Variants in TTC23 observed in about 807,000 individuals in gnomAD.
TTC23 encodes tetratricopeptide repeat protein 23.
TTC23 carries 58 observed loss-of-function variants against 55.1 expected under a neutral mutation model. That is an observed-to-expected ratio of 1.05 (90% confidence interval 0.85 to 1.31). The LOEUF (loss-of-function observed/expected upper bound fraction) is 1.31, where lower values mean the gene tolerates loss of function less well. Ranked by LOEUF, TTC23 falls within the 50% of genes most tolerant of loss-of-function variation. The pLI, the probability that TTC23 is intolerant of heterozygous loss-of-function variation, is 0.00. For synonymous variants in TTC23, 203 were observed against 199.9 expected (o/e 1.02, Z -0.13); for missense variants, 516 against 534.4 (o/e 0.97, Z 0.34).
At chr15:99,148,359 C>CAAAAAAAA (rs1567326659) in intron 12 of TTC23, among the ~76,000 whole-genome samples, 2 of 1,040 alleles carry the variant, frequency 1.9e-3, no homozygotes, top group Non-Finnish European at 5.6e-3. Context: ...AGACTCTGTA[C>CAAAAAAAA]CAAAAAAAAA....
intron 9 of TTC23, among the ~76,000 whole-genome samples, chr15:99,195,506 A>G (rs2075620131): frequency 6.6e-6 from 1 of 152,208 alleles, no homozygotes; most frequent in Non-Finnish European, 1.5e-5. Context: ...GGGAATGTAA[A>G]TGGTATAGCC....
intron 10 of TTC23, among the ~76,000 whole-genome samples, chr15:99,168,833 G>T (rs1295509079): frequency 6.6e-6 from 1 of 152,130 alleles, no homozygotes; most frequent in Non-Finnish European, 1.5e-5. Flanking sequence ...CTCTCCTTTA[G>T]GGCTGCTCAG....
chr15:99,153,062 G>A (rs1189369555), intron 12 of TTC23, among the ~76,000 whole-genome samples: 3 of 152,216 alleles, frequency 2.0e-5, no homozygotes, highest in Admixed American at 1.3e-4. Context: ...GCCTCCCAAA[G>A]TTCTAGGATT....
chr15:99,224,535 T>C (rs1332706588), intron 5 of TTC23, among the ~76,000 whole-genome samples: 1 of 152,244 alleles, frequency 6.6e-6, no homozygotes, highest in Non-Finnish European at 1.5e-5. Flanking sequence ...CTCAATCCAC[T>C]CTTTATTGGG....
At position 99,174,924 on chromosome 15, in the gene TTC23, T is replaced by A. The variant is rs1427579578; in HGVS notation, c.865+126A>T. On this transcript the variant is annotated intron_variant, in intron 10 of 13. Transcript: ENST00000394132. ...AGTAGCATAGGGGCAGATGATCAGA[T>A]AAAACAAGGAAGGCTCTGTGGCGGG... 1.1e-5 allele frequency: 8 copies of A among 702,618 alleles called. No individual in the cohort carries two copies. The Admixed American group carries it at 1.9e-4, about 17-fold the overall frequency. 43.5% of individuals were successfully genotyped at this position (702,618 alleles called of 1,614,324 possible). A position where few individuals can be genotyped will look rare whatever the true frequency, so the allele number is the denominator to read the frequency against.
intron 5 of TTC23, among the ~76,000 whole-genome samples, chr15:99,222,916 G>C (rs1410612835): frequency 6.6e-6 from 1 of 152,190 alleles, no homozygotes; most frequent in Non-Finnish European, 1.5e-5. Flanking sequence ...AGAATGGTGT[G>C]AACCCGGGAG....
At chr15:99,195,751 G>C (rs2075641123) in intron 9 of TTC23, among the ~76,000 whole-genome samples, 1 of 151,916 alleles carries the variant, frequency 6.6e-6, no homozygotes, top group South Asian at 2.1e-4. Flanking sequence ...ATGTGTCAAT[G>C]TAGGCTCATC....
At position 99,218,546 on chromosome 15, in the gene TTC23, C is replaced by A. The variant is rs372195443; in HGVS notation, c.581+42G>T. ...GAGACAGATTCTACAGGCAAAGAGC[C>A]TCCCGCCATCATGTATGCAAAATCC... On this transcript the variant is annotated intron_variant, in intron 8 of 13. Coordinates refer to ENST00000394132, the MANE Select transcript of TTC23 (RefSeq NM_001288615.3). 26 of 1,612,732 alleles carry A rather than the reference C, an allele frequency of 1.6e-5. No individual in the cohort carries two copies. The African/African-American group carries it at 3.2e-4, about 20-fold the overall frequency.
At position 99,137,892 on chromosome 15, in the gene TTC23, T is replaced by C; in HGVS notation, c.*118A>G. ...CACTGTTGCATGTTGGGGCCAACAG[T>C]TGGCCTTGGAAATCTGTATCCTGAC... On this transcript the variant is annotated 3_prime_UTR_variant, in exon 14 of 14. Coordinates refer to ENST00000394132, the MANE Select transcript of TTC23 (RefSeq NM_001288615.3). 2 of 1,507,008 alleles carry C rather than the reference T, an allele frequency of 1.3e-6. No homozygotes were observed. The highest frequency in any genetic ancestry group is 2.6e-5 in the South Asian group (2 of 77,466). The allele number at this position is 1,507,008 out of a possible 1,614,324, so 93.4% of individuals were successfully genotyped here. A position where few individuals can be genotyped will look rare whatever the true frequency, so the allele number is the denominator to read the frequency against.
intron 9 of TTC23, among the ~76,000 whole-genome samples, chr15:99,184,514 T>G (rs1281781211): frequency 6.6e-6 from 1 of 152,228 alleles, no homozygotes; most frequent in Non-Finnish European, 1.5e-5. Flanking sequence ...AATTACTACC[T>G]TATTGGATTT....
At chr15:99,250,075 G>C (rs374191902), upstream of TTC23, among the ~76,000 whole-genome samples, 1 of 151,192 alleles carries the variant, frequency 6.6e-6, no homozygotes, top group Non-Finnish European at 1.5e-5. Context: ...TTTCTTTTTT[G>C]GGGGGTGTAA....
intron 10 of TTC23, among the ~76,000 whole-genome samples, chr15:99,167,050 G>A (rs936412392): frequency 2.0e-5 from 3 of 151,954 alleles, no homozygotes; most frequent in Admixed American, 6.5e-5. Flanking sequence ...AAATCCACAT[G>A]AGCAGCCTTT....
At position 99,221,945 on chromosome 15, in the gene TTC23, T is replaced by C. The variant is rs1016848434; in HGVS notation, c.181-81A>G. 214 of 1,509,870 alleles carry C rather than the reference T, an allele frequency of 1.4e-4. No homozygotes were observed. The African/African-American group carries it at 2.2e-3, about 15-fold the overall frequency. The allele number at this position is 1,509,870 out of a possible 1,614,324, so 93.5% of individuals were successfully genotyped here. ...CAAAATCAATGCGCTTTTATATCCC[T>C]TTGATAAATACTGAGTGACTACTAT... On this transcript the variant is annotated intron_variant, in intron 5 of 13. Coordinates refer to ENST00000394132, the MANE Select transcript of TTC23 (RefSeq NM_001288615.3).
rs113993924 is a variant in TTC23, at chr15:99,226,430, A to C, written c.180+2103T>G. On this transcript the variant is annotated intron_variant, in intron 5 of 13. Coordinates refer to ENST00000394132, the MANE Select transcript of TTC23 (RefSeq NM_001288615.3). ...AACAAAGCAATAAAGCAAATGTTAA[A>C]AATGAGTGAATCTTGTGCCTTTTCT... 7.2e-5 allele frequency among the ~76,000 whole-genome samples: 11 copies of C among 152,374 alleles called. 1 individual carries two copies. The highest frequency in any genetic ancestry group is 2.6e-4 in the African/African-American group (11 of 41,598).
Position 99,219,122 on chromosome 15 carries a change from G to A in TTC23, c.305-74C>T, listed in dbSNP as rs569743204. 12 of 1,530,866 alleles carry A rather than the reference G, an allele frequency of 7.8e-6. 1 individual carries two copies. In the African/African-American group the frequency reaches 1.2e-4, roughly 16 times the overall value. 94.8% of individuals were successfully genotyped at this position (1,530,866 alleles called of 1,614,324 possible). A position where few individuals can be genotyped will look rare whatever the true frequency, so the allele number is the denominator to read the frequency against. On this transcript the variant is annotated intron_variant, in intron 6 of 13. Transcript: ENST00000394132. The stretch of plus-strand genomic sequence containing the variant: ...ACAGGAATACAGTTCCTTATGGTCT[G>A]GGAATCTAACAAGGTCTCCTTCACA...
intron 9 of TTC23, among the ~76,000 whole-genome samples, chr15:99,176,824 T>C (rs1373370074): frequency 6.6e-6 from 1 of 152,224 alleles, no homozygotes; most frequent in African/African-American, 2.4e-5. Context: ...TAATAAGAGA[T>C]AGAGATAAGA....
At chr15:99,138,157 TG>T in intron 13 of TTC23, 30 bp from the exon 14 acceptor site, 1 of 1,609,862 alleles carries the variant, frequency 6.2e-7, no homozygotes, top group Non-Finnish European at 8.5e-7. Flanking sequence ...GGGGTGAGTG[TG>T]GTGCCCCTCA....
intron 9 of TTC23, among the ~76,000 whole-genome samples, chr15:99,181,533 C>T (rs2074115337): frequency 6.6e-6 from 1 of 152,180 alleles, no homozygotes; most frequent in Non-Finnish European, 1.5e-5. Context: ...GAGGTGTGAG[C>T]TTGCTGTTTC....
chr15:99,214,273 C>G (rs992076569), intron 8 of TTC23, among the ~76,000 whole-genome samples: 1 of 151,824 alleles, frequency 6.6e-6, no homozygotes, highest in Non-Finnish European at 1.5e-5. Flanking sequence ...TTTGGGAGGC[C>G]GAGGTGGGCA....
Sources: gnomAD v4.1 joint callset for allele counts (sites outside exome capture counted in the v4.1 genomes callset) on GRCh38, gnomAD v4.1.1 for gene constraint, MANE v1.5 for transcripts, NCBI Gene and HGNC (gene_info 2026-07-23, HGNC 2026-07-21) for gene names.